SLC26A7: variants seen among roughly 807,000 people sequenced by gnomAD.
SLC26A7 encodes solute carrier family 26 member 7, also known as anion exchange transporter.
In SLC26A7, 59 loss-of-function variants were observed where a neutral mutation model predicts 82.5. The observed-to-expected ratio is 0.72, with a 90% confidence interval of 0.58 to 0.89. The LOEUF (loss-of-function observed/expected upper bound fraction) is 0.89. SLC26A7 is among the 40% of genes least tolerant of loss of function. SLC26A7 has a pLI of 0.00. For missense variants in SLC26A7, 820 were observed against 793.0 expected (o/e 1.03, Z -0.41); for synonymous variants, 271 against 274.3 (o/e 0.99, Z 0.12).
chr8:91,234,014 C>G (rs960930688), intron 2 of SLC26A7, among the ~76,000 whole-genome samples: 1 of 152,166 alleles, frequency 6.6e-6, no homozygotes. Context: ...CCAAATTGAT[C>G]GGGGCAGAGG....
At chr8:91,299,856 AT>A (rs1170756465) in intron 4 of SLC26A7, among the ~76,000 whole-genome samples, 1 of 152,230 alleles carries the variant, frequency 6.6e-6, no homozygotes, top group Non-Finnish European at 1.5e-5. Flanking sequence ...TCAGAAATTT[AT>A]TGTTCTATGC....
chr8:91,253,261 A>G (rs1810708539), intron 2 of SLC26A7, among the ~76,000 whole-genome samples: 2 of 152,088 alleles, frequency 1.3e-5, no homozygotes, highest in Admixed American at 6.6e-5. Context: ...CTTTTATACT[A>G]GACTTCTTCT....
chr8:91,234,974 C>T (rs1810372828), intron 2 of SLC26A7, among the ~76,000 whole-genome samples: 1 of 151,520 alleles, frequency 6.6e-6, no homozygotes, highest in Non-Finnish European at 1.5e-5. Context: ...GGCTGGAGTG[C>T]AGTGGTGTGA....
chr8:91,213,215 A>T (rs1809967648), intron 1 of SLC26A7, among the ~76,000 whole-genome samples: 2 of 152,114 alleles, frequency 1.3e-5, no homozygotes, highest in African/African-American at 4.8e-5. Context: ...GGCTGGCTGG[A>T]ACATGATGGG....
intron 2 of SLC26A7, among the ~76,000 whole-genome samples, chr8:91,276,399 G>T (rs1811407982): frequency 2.6e-5 from 4 of 152,028 alleles, no homozygotes; most frequent in Admixed American, 2.6e-4. Flanking sequence ...ACTTTTCAAA[G>T]AAGTCATTGA....
intron 4 of SLC26A7, among the ~76,000 whole-genome samples, chr8:91,316,337 C>T (rs1812628941): frequency 6.6e-6 from 1 of 151,824 alleles, no homozygotes; most frequent in Non-Finnish European, 1.5e-5. Context: ...GGCTGGCCTG[C>T]AGTAGCGTGA....
At chr8:91,261,771 G>A (rs1329302437) in intron 2 of SLC26A7, among the ~76,000 whole-genome samples, 1 of 152,068 alleles carries the variant, frequency 6.6e-6, no homozygotes, top group Non-Finnish European at 1.5e-5. Context: ...AGCTGAGTTA[G>A]TGTGCAAAGC....
intron 15 of SLC26A7, among the ~76,000 whole-genome samples, chr8:91,383,731 A>C (rs1317078998): frequency 6.6e-6 from 1 of 152,158 alleles, no homozygotes; most frequent in East Asian, 1.9e-4. Flanking sequence ...CACTCTGTTG[A>C]GGTCTTTCTG....
At position 91,366,551 on chromosome 8, in the gene SLC26A7, G is replaced by C. The variant is rs373484251; in HGVS notation, c.1489-29G>C. On this transcript the variant is annotated intron_variant, in intron 13 of 18. Coordinates refer to ENST00000276609, the MANE Select transcript of SLC26A7 (RefSeq NM_052832.4). ...TATTGGCTATAATTTTCTATTTAGA[G>C]TTCTGAATCTGTTTTTCTCCTCCAA... 35 of 1,605,008 alleles carry C rather than the reference G, an allele frequency of 2.2e-5. No individual in the cohort carries two copies. In the African/African-American group the frequency reaches 4.5e-4, roughly 20 times the overall value.
chr8:91,298,476 T>C (rs956044339), intron 4 of SLC26A7, among the ~76,000 whole-genome samples: 1 of 152,160 alleles, frequency 6.6e-6, no homozygotes, highest in African/African-American at 2.4e-5. Context: ...TAGTTTGTTT[T>C]CTATGTAAGA....
At chr8:91,368,431 T>TTTTTTTTG (rs1563703470) in intron 14 of SLC26A7, among the ~76,000 whole-genome samples, 1 of 151,640 alleles carries the variant, frequency 6.6e-6, no homozygotes, top group African/African-American at 2.4e-5. Flanking sequence ...TTTTGTTTTT[T>TTTTTTTTG]TTTTTGAGAC....
chr8:91,351,754 A>G, intron 9 of SLC26A7, 56 bp from the exon 10 acceptor site: 1 of 1,194,916 alleles, frequency 8.4e-7, no homozygotes, highest in Non-Finnish European at 1.2e-6. Context: ...TAACTTTGAC[A>G]TAATAAAAAA....
intron 4 of SLC26A7, among the ~76,000 whole-genome samples, chr8:91,314,974 A>G (rs1812588271): frequency 6.6e-6 from 1 of 152,170 alleles, no homozygotes; most frequent in Admixed American, 6.6e-5. Context: ...AGAAGCTGCT[A>G]CTAGAAGATG....
chr8:91,364,742 T>G (rs2130872994), intron 13 of SLC26A7, among the ~76,000 whole-genome samples: 1 of 152,300 alleles, frequency 6.6e-6, no homozygotes, highest in South Asian at 2.1e-4. Context: ...TAACTTCTTC[T>G]TGGGCTAAAC....
At chr8:91,316,451 A>ATTTTTTTTTT (rs58981485) in intron 4 of SLC26A7, among the ~76,000 whole-genome samples, 3 of 34,424 alleles carry the variant, frequency 8.7e-5, no homozygotes, top group Admixed American at 4.6e-4. Flanking sequence ...CTCAACACTA[A>ATTTTTTTTTT]TTTTTTTTTT....
chr8:91,220,454 T>TG (rs1326987854), intron 2 of SLC26A7, among the ~76,000 whole-genome samples: 2 of 151,646 alleles, frequency 1.3e-5, no homozygotes, highest in African/African-American at 4.8e-5. Flanking sequence ...ACGGGTGCCA[T>TG]GGTGGTTTGC....
intron 5 of SLC26A7, among the ~76,000 whole-genome samples, chr8:91,331,497 G>A (rs1041110395): frequency 2.0e-5 from 3 of 152,022 alleles, no homozygotes; most frequent in Non-Finnish European, 4.4e-5. Context: ...CTTTTCACAC[G>A]AGCTTAATTA....
At chr8:91,313,649 G>C (rs1812549302) in intron 4 of SLC26A7, among the ~76,000 whole-genome samples, 2 of 152,034 alleles carry the variant, frequency 1.3e-5, no homozygotes, top group South Asian at 4.1e-4. Context: ...TCATGGTCCT[G>C]GTTAACAGTC....
intron 2 of SLC26A7, among the ~76,000 whole-genome samples, chr8:91,227,758 CA>C (rs1165245763): frequency 6.6e-6 from 1 of 151,874 alleles, no homozygotes; most frequent in Non-Finnish European, 1.5e-5. Flanking sequence ...TGGAGATTAC[CA>C]AGAAAGTTTT....
Sources: gnomAD v4.1 joint callset for allele counts (sites outside exome capture counted in the v4.1 genomes callset) on GRCh38, gnomAD v4.1.1 for gene constraint, MANE v1.5 for transcripts, NCBI Gene and HGNC (gene_info 2026-07-23, HGNC 2026-07-21) for gene names.